DOK7: variants seen among roughly 807,000 people sequenced by gnomAD.
The protein encoded by DOK7 is protein Dok-7.
Under a neutral mutation model 30.7 loss-of-function variants are expected in DOK7, and 32 were observed. That is an observed-to-expected ratio of 1.04 (90% confidence interval 0.79 to 1.40). The LOEUF is 1.40. Among genes scored for constraint, DOK7 ranks in the 40% most tolerant of loss-of-function variants. The probability of loss-of-function intolerance (pLI) is 0.00; values close to 1 mark genes in which losing one functional copy is unlikely to be tolerated. For missense variants in DOK7, 1,007 were observed against 699.2 expected, an observed-to-expected ratio of 1.44 and a Z score of -4.97; for synonymous variants, 447 against 324.1, an observed-to-expected ratio of 1.38 and a Z score of -4.07.
At chr4:3,485,501 TC>T in intron 4 of DOK7, 37 bp from the exon 5 acceptor site, 1 of 1,499,302 alleles carries the variant, frequency 6.7e-7, no homozygotes, top group Admixed American at 2.1e-5. Context: ...CAGCCCGCCC[TC>T]GGGCCAGACT....
In DOK7 at chr4:3,494,414, T is replaced by C; in HGVS notation, c.*913T>C. 1.0e-6 allele frequency: 1 copy of C among 985,814 alleles called. No individual in the cohort carries two copies. The highest frequency in any genetic ancestry group is 4.7e-5 in the South Asian group (1 of 21,302). 61.1% of individuals were successfully genotyped at this position (985,814 alleles called of 1,614,324 possible). A position where few individuals can be genotyped will look rare whatever the true frequency, so the allele number is the denominator to read the frequency against. On this transcript the variant is annotated 3_prime_UTR_variant, in exon 7 of 7. Coordinates refer to ENST00000340083, the MANE Select transcript of DOK7 (RefSeq NM_173660.5). ...CTCCCTGTGAACACCTCTTTGTCCC[T>C]TCACTGTCAGCTGTTTCTAAACCCA... is the stretch of plus-strand genomic sequence containing the variant.
chr4:3,472,715 G>T (rs529060199), intron 2 of DOK7, among the ~76,000 whole-genome samples: 1 of 152,242 alleles, frequency 6.6e-6, no homozygotes, highest in South Asian at 2.1e-4. Flanking sequence ...TGGAAAATGG[G>T]AAGGTGGGGG....
At chr4:3,484,409 ACTC>A (rs1400489897) in intron 4 of DOK7, 1 of 815,838 alleles carries the variant, frequency 1.2e-6, no homozygotes, top group Non-Finnish European at 1.5e-6. Context: ...CTTCCCCCCA[ACTC>A]CTGCCCACCC....
chr4:3,464,208 C>T (rs555294311), intron 2 of DOK7, among the ~76,000 whole-genome samples: 154 of 152,220 alleles, frequency 1.0e-3, no homozygotes, highest in African/African-American at 3.5e-3. Context: ...GCGGCAGAGC[C>T]GGCCAGGCCC....
chr4:3,495,899 G>A (rs1233189423), downstream of DOK7, among the ~76,000 whole-genome samples: 3 of 152,178 alleles, frequency 2.0e-5, no homozygotes, highest in Non-Finnish European at 2.9e-5. Flanking sequence ...GACCAGCTCA[G>A]TTTGCTCAGG....
chr4:3,497,917 C>T (rs897476231), downstream of DOK7, among the ~76,000 whole-genome samples: 3 of 152,162 alleles, frequency 2.0e-5, no homozygotes, highest in African/African-American at 7.2e-5. Flanking sequence ...CTGTTGCCTC[C>T]CCGAGGCCAC....
chr4:3,497,481 G>C (rs1194373705), downstream of DOK7, among the ~76,000 whole-genome samples: 1 of 152,130 alleles, frequency 6.6e-6, no homozygotes, highest in African/African-American at 2.4e-5. Context: ...GCAGTCACTG[G>C]GGACAGAGCC....
In DOK7 at chr4:3,501,027, G is replaced by A. The variant is rs185757686; in HGVS notation, c.*202G>A. 192 of 797,362 alleles carry A rather than the reference G, an allele frequency of 2.4e-4. 1 individual carries two copies. The African/African-American group carries it at 2.7e-3, about 11-fold the overall frequency. 49.4% of individuals were successfully genotyped at this position (797,362 alleles called of 1,614,324 possible). ...CAGGCCTCCTGCCTCACAGGTGTCC[G>A]GGGCTGACCCTTCGGCCTGAAAGAG... On this transcript the variant is annotated 3_prime_UTR_variant, in exon 8 of 8. Coordinates refer to the DOK7 transcript ENST00000643608.
rs1553850100 is a variant in DOK7, at chr4:3,493,006, C to CGCCACTGGCAGCCACTCCT, written c.1021_1039dup (p.Ser347CysfsTer28). ...GCCAGAGCTCCTCGGACAGCGGCAT[C>CGCCACTGGCAGCCACTCCT]GCCACTGGCAGCCACTCCTCTTACT... On this transcript the variant is annotated frameshift_variant, in exon 7 of 7. Coordinates refer to ENST00000340083, the MANE Select transcript of DOK7 (RefSeq NM_173660.5). LOFTEE classifies it low-confidence loss of function (END_TRUNC). 1.3e-6 allele frequency: 2 copies of CGCCACTGGCAGCCACTCCT among 1,562,932 alleles called. No individual in the cohort carries two copies. The highest frequency in any genetic ancestry group is 1.7e-6 in the Non-Finnish European group (2 of 1,158,950).
intron 2 of DOK7, among the ~76,000 whole-genome samples, chr4:3,467,879 T>C (rs1276523206): frequency 1.3e-5 from 2 of 152,164 alleles, no homozygotes; most frequent in Admixed American, 6.5e-5. Flanking sequence ...TCTGTCCTTA[T>C]ATGGTGTAGG....
intron 2 of DOK7, among the ~76,000 whole-genome samples, chr4:3,468,945 ACG>A (rs1319038619): frequency 8.4e-6 from 1 of 119,398 alleles, no homozygotes; most frequent in Admixed American, 8.2e-5. Flanking sequence ...GCTTTTGTGC[ACG>A]TGTGAGTGTG....
Position 3,493,244 on chromosome 4 carries a change from C to G in DOK7, c.1258C>G (p.Pro420Ala), listed in dbSNP as rs150497723. 176 of 1,612,032 alleles carry G rather than the reference C, an allele frequency of 1.1e-4. 1 individual carries two copies. The African/African-American group carries it at 1.9e-3, about 17-fold the overall frequency. The change falls in exon 7 of 7, where the codon CCC becomes GCC. Residue 420 changes from proline to alanine, a missense_variant. By Grantham distance (27) the Pro-to-Ala change is conservative. Coordinates refer to ENST00000340083, the MANE Select transcript of DOK7 (RefSeq NM_173660.5). ...TTGCCTGGCTCCTAGAGACCACAGC[C>G]CCCCCTCACAGGGCAGCCCCGGCAA... ...SLCLAPRDHS[P>A]PSQGSPGNSA...
intron 2 of DOK7, 101 bp downstream of exon 2, chr4:3,463,652 C>T: frequency 1.4e-6 from 2 of 1,430,834 alleles, no homozygotes; most frequent in Non-Finnish European, 1.9e-6. Flanking sequence ...CCGCCGCTGT[C>T]ACCCCGCCGG....
chr4:3,466,992 C>T (rs551854300), intron 2 of DOK7, among the ~76,000 whole-genome samples: 151 of 152,306 alleles, frequency 9.9e-4, no homozygotes, highest in Non-Finnish European at 1.6e-3. Context: ...ATCAGCAGGC[C>T]GGCCTGGTCG....
Position 3,471,766 on chromosome 4 carries a change from TTGTC to T in DOK7, c.101-1637_101-1634del, listed in dbSNP as rs1465059867. 2.6e-5 allele frequency among the ~76,000 whole-genome samples: 4 copies of T among 152,336 alleles called. No homozygotes were observed. In the East Asian group the frequency reaches 5.8e-4, roughly 22 times the overall value. ...GGAGTTTCCAGAGGGGGCCAGGAGA[TTGTC>T]TGGAAAGCCTCAGCTGGGCAGGCGG... is the stretch of plus-strand genomic sequence containing the variant. On this transcript the variant is annotated intron_variant, in intron 2 of 6. Transcript: ENST00000340083.
intron 6 of DOK7, among the ~76,000 whole-genome samples, chr4:3,491,342 T>C (rs1191825939): frequency 7.2e-5 from 5 of 69,470 alleles, no homozygotes; most frequent in African/African-American, 2.3e-4. Flanking sequence ...TCCTTCCTTC[T>C]TCGCCTGCTT....
intron 6 of DOK7, chr4:3,500,245 C>A (rs1350873342): frequency 2.6e-6 from 4 of 1,535,126 alleles, no homozygotes; most frequent in Middle Eastern, 3.3e-4. Context: ...GCCGCTCCCC[C>A]CACAGGATCC....
chr4:3,479,441 A>G (rs1468029728), intron 4 of DOK7, among the ~76,000 whole-genome samples: 1 of 152,212 alleles, frequency 6.6e-6, no homozygotes, highest in East Asian at 1.9e-4. Context: ...CTGAATCCCA[A>G]TAAGTCTGTG....
chr4:3,501,001 C>A, exon 8 of DOK7: 2 of 1,015,210 alleles, frequency 2.0e-6, no homozygotes, highest in Non-Finnish European at 2.8e-6. Context: ...GGGCCCACGG[C>A]CAGGCCTCCT....
Sources: allele counts gnomAD v4.1 joint callset (sites outside exome capture counted in the v4.1 genomes callset), GRCh38; gene constraint gnomAD v4.1.1; transcripts MANE v1.5; gene names NCBI Gene and HGNC (gene_info 2026-07-23, HGNC 2026-07-21).